The following TNFSF4 variants were observed in gnomAD, a reference collection of about 807,000 sequenced individuals.
TNFSF4 encodes tumor necrosis factor ligand superfamily member 4.
In TNFSF4, 4 loss-of-function variants were observed where a neutral mutation model predicts 7.3. The ratio of observed to expected loss-of-function variants is 0.55; its 90% CI spans 0.27 to 1.25. The LOEUF is 1.25. Ranked by LOEUF, TNFSF4 falls within the 50% of genes most tolerant of loss-of-function variation. The pLI, the probability that TNFSF4 is intolerant of heterozygous loss-of-function variation, is 0.12. For missense variants in TNFSF4, 181 were observed against 208.8 expected, an observed-to-expected ratio of 0.87 and a Z score of 0.82; for synonymous variants, 76 against 83.7, an observed-to-expected ratio of 0.91 and a Z score of 0.50.
At chr1:173,273,076 A>C in the TNFSF4 span, among the ~76,000 whole-genome samples, 1 of 152,166 alleles carries the variant, frequency 6.6e-6, no homozygotes, top group African/African-American at 2.4e-5. Flanking sequence ...CAATTAGGGC[A>C]CAAACAAAAT....
chr1:173,325,308 G>A, the TNFSF4 span, among the ~76,000 whole-genome samples: 2 of 152,034 alleles, frequency 1.3e-5, no homozygotes, highest in Non-Finnish European at 2.9e-5. Context: ...GATGTTCTTT[G>A]AAACCAACGA....
the TNFSF4 span, among the ~76,000 whole-genome samples, chr1:173,341,259 T>C: frequency 6.6e-6 from 1 of 152,190 alleles, no homozygotes; most frequent in Non-Finnish European, 1.5e-5. Context: ...ATACCTTTCC[T>C]TCTTATCTGC....
chr1:173,208,564 G>A (rs1650275539), upstream of TNFSF4, among the ~76,000 whole-genome samples: 1 of 152,192 alleles, frequency 6.6e-6, no homozygotes, highest in Admixed American at 6.5e-5. Context: ...TGCATTAGGA[G>A]AACATACTGG....
rs1482541078 is a variant in TNFSF4 at position 173,186,263 on chromosome 1, G to A, written c.*253C>T. ...TTCTTTCTCACAAAGGTGCCTAGTA[G>A]GCTCAAGGCAATCTTGGGGTGTGAC... On this transcript the variant is annotated 3_prime_UTR_variant, in exon 3 of 3. Coordinates refer to ENST00000281834, the MANE Select transcript of TNFSF4 (RefSeq NM_003326.5). 1.5e-5 allele frequency: 6 copies of A among 395,534 alleles called. No homozygotes were observed. The highest frequency in any genetic ancestry group is 2.7e-5 in the Non-Finnish European group (6 of 221,970). 24.5% of individuals were successfully genotyped at this position (395,534 alleles called of 1,614,324 possible).
upstream of TNFSF4, among the ~76,000 whole-genome samples, chr1:173,210,728 G>T (rs182686526): frequency 1.5e-4 from 23 of 152,022 alleles, no homozygotes; most frequent in South Asian, 2.1e-4. Context: ...ATAATTCTAG[G>T]GGGGGGAAAA....
At chr1:173,312,916 C>T in the TNFSF4 span, among the ~76,000 whole-genome samples, 1 of 152,248 alleles carries the variant, frequency 6.6e-6, no homozygotes, top group Admixed American at 6.5e-5. Context: ...ACCCTTTCCT[C>T]CAGATAAATA....
chr1:173,300,108 TAG>T, the TNFSF4 span, among the ~76,000 whole-genome samples: 1 of 2,752 alleles, frequency 3.6e-4, no homozygotes, highest in Non-Finnish European at 9.0e-4. Flanking sequence ...GGTAGATAGA[TAG>T]ATAGATAGAT....
the TNFSF4 span, among the ~76,000 whole-genome samples, chr1:173,253,753 C>G: frequency 6.6e-6 from 1 of 152,122 alleles, no homozygotes; most frequent in Non-Finnish European, 1.5e-5. Context: ...TGGGGTTTTC[C>G]TGCTAAAATT....
the TNFSF4 span, among the ~76,000 whole-genome samples, chr1:173,350,470 T>G: frequency 6.6e-6 from 1 of 152,206 alleles, no homozygotes; most frequent in Non-Finnish European, 1.5e-5. Flanking sequence ...CAACATTCTC[T>G]ATGTTTAAAC....
chr1:173,388,237 T>C, the TNFSF4 span, among the ~76,000 whole-genome samples: 1 of 152,244 alleles, frequency 6.6e-6, no homozygotes, highest in Non-Finnish European at 1.5e-5. Flanking sequence ...ACTTGTTCCA[T>C]ACCAACCTTC....
chr1:173,328,055 GT>G, the TNFSF4 span, among the ~76,000 whole-genome samples: 4 of 152,128 alleles, frequency 2.6e-5, no homozygotes, highest in African/African-American at 9.7e-5. Flanking sequence ...ACATGCACAT[GT>G]ATGGTTATTG....
At chr1:173,208,215 T>G (rs1289029920), upstream of TNFSF4, among the ~76,000 whole-genome samples, 1 of 152,188 alleles carries the variant, frequency 6.6e-6, no homozygotes, top group African/African-American at 2.4e-5. Context: ...TAATGTAAAG[T>G]TCAAATGGGC....
At chr1:173,414,221 TTC>T in the TNFSF4 span, among the ~76,000 whole-genome samples, 1 of 152,124 alleles carries the variant, frequency 6.6e-6, no homozygotes, top group African/African-American at 2.4e-5. Flanking sequence ...TGCCAGAAAA[TTC>T]TGTTTCTGGT....
the TNFSF4 span, among the ~76,000 whole-genome samples, chr1:173,266,103 T>C: frequency 1.3e-5 from 2 of 151,794 alleles, no homozygotes; most frequent in Non-Finnish European, 2.9e-5. Flanking sequence ...ATGTAAAGAG[T>C]GTGCAAGAGT....
At chr1:173,377,903 G>A in the TNFSF4 span, among the ~76,000 whole-genome samples, 24 of 152,224 alleles carry the variant, frequency 1.6e-4, no homozygotes, top group Non-Finnish European at 2.5e-4. Flanking sequence ...CTCAGGGTAC[G>A]GCCCTCCACT....
At chr1:173,415,526 G>A in the TNFSF4 span, among the ~76,000 whole-genome samples, 1 of 152,334 alleles carries the variant, frequency 6.6e-6, no homozygotes, top group East Asian at 1.9e-4. Flanking sequence ...GACACTCCAG[G>A]AGCAAAGGGC....
intron 1 of TNFSF4, among the ~76,000 whole-genome samples, chr1:173,189,400 G>A (rs1344170448): frequency 1.3e-5 from 2 of 152,074 alleles, no homozygotes; most frequent in African/African-American, 4.8e-5. Flanking sequence ...ATTTTCAGGG[G>A]ACAAAGGCAA....
the TNFSF4 span, among the ~76,000 whole-genome samples, chr1:173,222,577 C>G: frequency 6.6e-6 from 1 of 152,120 alleles, no homozygotes; most frequent in Non-Finnish European, 1.5e-5. Flanking sequence ...CCTGGGCCCT[C>G]ATAGGTGCAG....
At chr1:173,279,803 GTCT>G in the TNFSF4 span, among the ~76,000 whole-genome samples, 1 of 151,988 alleles carries the variant, frequency 6.6e-6, no homozygotes, top group Admixed American at 6.6e-5. Context: ...GTTTCCCGGA[GTCT>G]TCTTTGTAAC....
Sources: allele counts gnomAD v4.1 joint callset (sites outside exome capture counted in the v4.1 genomes callset), GRCh38; gene constraint gnomAD v4.1.1; transcripts MANE v1.5; gene names NCBI Gene and HGNC (gene_info 2026-07-23, HGNC 2026-07-21).